CHD7: variants seen among roughly 807,000 people sequenced by gnomAD.
CHD7 encodes the protein ATP-dependent chromatin remodeler CHD7.
A neutral mutation model predicts 307.3 loss-of-function variants in CHD7; 24 were observed. The observed-to-expected ratio is 0.08, with a 90% confidence interval of 0.06 to 0.11. CHD7 has a LOEUF of 0.11. CHD7 is among the 10% of genes least tolerant of loss of function. The probability of loss-of-function intolerance (pLI) is 1.00; values close to 1 mark genes in which losing one functional copy is unlikely to be tolerated. For missense variants in CHD7, 3,106 were observed against 3,727.1 expected, an observed-to-expected ratio of 0.83 and a Z score of 4.34; for synonymous variants, 1,363 against 1,349.9, an observed-to-expected ratio of 1.01 and a Z score of -0.21.
At chr8:60,772,227 G>A (rs547155743) in intron 2 of CHD7, among the ~76,000 whole-genome samples, 5 of 152,226 alleles carry the variant, frequency 3.3e-5, no homozygotes, top group Non-Finnish European at 7.4e-5. Context: ...CTTATAAATT[G>A]ATTTTTTTTC....
At chr8:60,779,358 T>C (rs1226090079) in intron 2 of CHD7, among the ~76,000 whole-genome samples, 3 of 152,202 alleles carry the variant, frequency 2.0e-5, no homozygotes, top group Non-Finnish European at 4.4e-5. Flanking sequence ...AGAAAGATGC[T>C]GTGTAGAAGA....
chr8:60,742,695 A>G lies in CHD7; in HGVS notation c.1263A>G (p.Pro421=), dbSNP rs780162738. The stretch of plus-strand genomic sequence containing the variant: ...TCAGGCCGGGAAGTGCTGGGATACC[A>G]ATGGAAGTTGGCAGTTATCCAAATA... ...PQVRPGSAGI[P]MEVGSYPNMP... The change falls in exon 2 of 38, where the codon CCA becomes CCG. Residue 421 remains proline, a synonymous_variant. Coordinates refer to ENST00000423902, the MANE Select transcript of CHD7 (RefSeq NM_017780.4). 1.6e-5 allele frequency: 25 copies of G among 1,612,256 alleles called. No homozygotes were observed. Among genetic ancestry groups the G allele is most frequent in the Non-Finnish European group, 2.1e-5 (25 of 1,178,554 alleles).
rs1804999756 is a variant in CHD7, at chr8:60,842,064, T to C, written c.4850+12T>C. On this transcript the variant is annotated intron_variant, in intron 21 of 37. Coordinates refer to ENST00000423902, the MANE Select transcript of CHD7 (RefSeq NM_017780.4). ...CTGCTTGTCTATGGGTAAGTAGGAC[T>C]CACTACGTAAGATAGAATTTTATTG... 2.5e-6 allele frequency: 4 copies of C among 1,598,918 alleles called. No homozygotes were observed. The highest frequency in any genetic ancestry group is 3.4e-6 in the Non-Finnish European group (4 of 1,169,002).
intron 34 of CHD7, among the ~76,000 whole-genome samples, chr8:60,858,347 A>G (rs747156400): frequency 1.3e-5 from 2 of 152,228 alleles, no homozygotes; most frequent in African/African-American, 2.4e-5. Context: ...TGTTTTCAGA[A>G]TCCTGTAAAA....
At chr8:60,751,156 C>T (rs1021555787) in intron 2 of CHD7, among the ~76,000 whole-genome samples, 4 of 152,092 alleles carry the variant, frequency 2.6e-5, no homozygotes, top group African/African-American at 9.7e-5. Flanking sequence ...TTTTGAGTGG[C>T]GTTTGGATAC....
chr8:60,741,495 T>C lies in CHD7; in HGVS notation c.63T>C (p.Leu21=). 2 of 1,612,734 alleles carry C rather than the reference T, an allele frequency of 1.2e-6. No homozygotes were observed. Among genetic ancestry groups the C allele is most frequent in the Non-Finnish European group, 1.7e-6 (2 of 1,179,328 alleles). ...GEDGNIFSEG[L]EGLGECGYPE... is the part of the protein sequence containing the mutation. ...ATGGGAATATTTTCAGTGAAGGTCT[T>C]GAAGGCCTCGGAGAATGTGGTTACC... Residue 21 remains leucine (L), a synonymous_variant, in exon 2 of 38, where the codon CTT becomes CTC. Coordinates refer to ENST00000423902, the MANE Select transcript of CHD7 (RefSeq NM_017780.4).
chr8:60,767,965 G>A (rs140274318), intron 2 of CHD7, among the ~76,000 whole-genome samples: 21 of 152,292 alleles, frequency 1.4e-4, no homozygotes, highest in South Asian at 6.2e-4. Flanking sequence ...AAATGAGATG[G>A]TATATTATAG....
intron 3 of CHD7, 116 bp downstream of exon 3, chr8:60,781,546 T>C (rs1811233262): frequency 3.0e-6 from 4 of 1,352,694 alleles, no homozygotes; most frequent in Non-Finnish European, 3.9e-6. Context: ...TTTGTCATCA[T>C]TGAGTTTCTT....
At chr8:60,709,024 T>C (rs1266976052) in intron 1 of CHD7, among the ~76,000 whole-genome samples, 1 of 152,186 alleles carries the variant, frequency 6.6e-6, no homozygotes, top group African/African-American at 2.4e-5. Flanking sequence ...CTGTTTCTCC[T>C]CTCTCTGACT....
chr8:60,725,330 T>C (rs1219541602), intron 1 of CHD7, among the ~76,000 whole-genome samples: 1 of 152,260 alleles, frequency 6.6e-6, no homozygotes, highest in East Asian at 1.9e-4. Context: ...TCTTGTGGTT[T>C]CTTCATGAGA....
At chr8:60,805,067 A>G (rs1812476707) in intron 6 of CHD7, among the ~76,000 whole-genome samples, 1 of 152,204 alleles carries the variant, frequency 6.6e-6, no homozygotes, top group African/African-American at 2.4e-5. Flanking sequence ...TGACTTAGTT[A>G]TTCATTGCCT....
intron 2 of CHD7, among the ~76,000 whole-genome samples, chr8:60,759,987 G>T (rs1810098523): frequency 1.3e-5 from 2 of 152,240 alleles, no homozygotes; most frequent in Middle Eastern, 6.8e-3. Context: ...CTCAGCTGTG[G>T]CTCCCACTGA....
chr8:60,816,508 C>CAT lies in CHD7; in HGVS notation c.2613+9_2613+10dup, dbSNP rs1381823567. ...GAACAAGTTCCTTTCAGAGGTACGA[C>CAT]ATACCTGCTTACTTTTCCAAAGTAT... is the stretch of plus-strand genomic sequence containing the variant. On this transcript the variant is annotated splice_region_variant and intron_variant, in intron 8 of 37. Transcript: ENST00000423902. 6 of 1,458,314 alleles carry CAT rather than the reference C, an allele frequency of 4.1e-6. No homozygotes were observed. The South Asian group carries it at 7.3e-5, about 18-fold the overall frequency. 90.3% of individuals were successfully genotyped at this position (1,458,314 alleles called of 1,614,324 possible). A position where few individuals can be genotyped will look rare whatever the true frequency, so the allele number is the denominator to read the frequency against.
intron 23 of CHD7, 66 bp from the exon 24 acceptor site, chr8:60,848,449 A>G (rs769944335): frequency 2.4e-4 from 274 of 1,149,930 alleles, no homozygotes; most frequent in Non-Finnish European, 3.3e-4. Flanking sequence ...AGCAGCTGCC[A>G]AAAGCCACTG....
chr8:60,802,425 G>T (rs1673346199), intron 6 of CHD7, among the ~76,000 whole-genome samples: 3 of 152,182 alleles, frequency 2.0e-5, no homozygotes, highest in African/African-American at 4.8e-5. Flanking sequence ...AGACATAGGT[G>T]TCTGTGTCGC....
At position 60,852,492 on chromosome 8, in the gene CHD7, T is replaced by C; in HGVS notation, c.5895-6T>C. The C allele has an allele frequency of 6.2e-7, 1 of 1,611,016 alleles. No homozygotes were observed. The highest frequency in any genetic ancestry group is 8.5e-7 in the Non-Finnish European group (1 of 1,177,670). Reference sequence around the variant, plus strand: ...ATGATGCAAGCTAATATAATCTTTCTAACAGGTGGACAAGAAGAGAAGAGG... The same window carrying C: ...ATGATGCAAGCTAATATAATCTTTCCAACAGGTGGACAAGAAGAGAAGAGG... On this transcript the variant is annotated splice_polypyrimidine_tract_variant and splice_region_variant and intron_variant, in intron 29 of 37. Coordinates refer to ENST00000423902, the MANE Select transcript of CHD7 (RefSeq NM_017780.4).
intron 1 of CHD7, among the ~76,000 whole-genome samples, chr8:60,702,904 A>T (rs1174059262): frequency 6.6e-6 from 1 of 152,206 alleles, no homozygotes; most frequent in Non-Finnish European, 1.5e-5. Flanking sequence ...AGAGTGAGCG[A>T]GAGAGCGCCA....
chr8:60,735,942 A>C (rs1275680056), intron 1 of CHD7, among the ~76,000 whole-genome samples: 4 of 152,194 alleles, frequency 2.6e-5, no homozygotes, highest in African/African-American at 9.6e-5. Flanking sequence ...TATTTAGTTT[A>C]AGTAGTTTAA....
chr8:60,815,842 G>A (rs888722488), intron 7 of CHD7, among the ~76,000 whole-genome samples: 1 of 152,162 alleles, frequency 6.6e-6, no homozygotes, highest in Admixed American at 6.5e-5. Flanking sequence ...ACCAGGTTAG[G>A]TTTCCCTTTG....
Sources: gnomAD v4.1 joint callset for allele counts (sites outside exome capture counted in the v4.1 genomes callset) on GRCh38, gnomAD v4.1.1 for gene constraint, MANE v1.5 for transcripts, NCBI Gene and HGNC (gene_info 2026-07-23, HGNC 2026-07-21) for gene names.